ABCA9: variants seen among roughly 807,000 people sequenced by gnomAD.
The protein encoded by ABCA9 is ATP-binding cassette sub-family A member 9.
ABCA9 carries 183 observed loss-of-function variants against 205.3 expected under a neutral mutation model. The observed-to-expected ratio is 0.89, with a 90% CI of 0.79 to 1.01. The LOEUF is 1.01. Ranked by LOEUF, ABCA9 falls within the 50% of genes least tolerant of loss-of-function variation. The pLI is 0.00. For synonymous variants in ABCA9, 651 were observed against 683.3 expected (o/e 0.95, Z 0.74); for missense variants, 1,805 against 1,912.4 (o/e 0.94, Z 1.05).
At chr17:68,994,660 A>G (rs2069559214) in intron 26 of ABCA9, among the ~76,000 whole-genome samples, 2 of 152,244 alleles carry the variant, frequency 1.3e-5, no homozygotes, top group East Asian at 1.9e-4. Context: ...GAAGAGAATC[A>G]TCTCATCTTT....
At chr17:68,994,177 C>T (rs1213055444) in intron 26 of ABCA9, among the ~76,000 whole-genome samples, 1 of 152,072 alleles carries the variant, frequency 6.6e-6, no homozygotes, top group African/African-American at 2.4e-5. Context: ...CACCTGGCCT[C>T]TGCCAGTACA....
In ABCA9 at chr17:69,035,672, A is replaced by T; in HGVS notation, c.930T>A (p.Tyr310Ter). 2 of 1,613,714 alleles carry T rather than the reference A, an allele frequency of 1.2e-6. No individual in the cohort carries two copies. The highest frequency in any genetic ancestry group is 8.5e-7 in the Non-Finnish European group (1 of 1,179,788). The change falls in exon 7 of 39, where the codon TAT becomes TAA. Residue 310 changes from tyrosine (Y) to a stop codon, truncating the protein, a stop_gained. Transcript: ENST00000340001. LOFTEE classifies it high-confidence loss of function. ...FVMVFTLFLL[Y>*]GLSLITLAFL... ...TTAACCAACTCACCAAAGACAGGCC[A>T]TAGAGGAGAAAGAGGGTGAAGACCA...
At chr17:69,026,955 A>T in intron 15 of ABCA9, 21 bp downstream of exon 15, 1 of 1,613,218 alleles carries the variant, frequency 6.2e-7, no homozygotes, top group Non-Finnish European at 8.5e-7. Context: ...ATGAAGATAC[A>T]TAAGAGAAAC....
chr17:68,999,661 C>G (rs1412061879), intron 25 of ABCA9, among the ~76,000 whole-genome samples: 5 of 152,026 alleles, frequency 3.3e-5, no homozygotes, highest in East Asian at 3.9e-4. Context: ...ATGGCTGGGT[C>G]AAATGGTATT....
rs575844046 is a variant in ABCA9 at position 69,043,884 on chromosome 17, G to A, written c.574-169C>T. 1.2e-4 allele frequency among the ~76,000 whole-genome samples: 19 copies of A among 152,148 alleles called. No homozygotes were observed. The South Asian group carries it at 3.7e-3, about 30-fold the overall frequency. On this transcript the variant is annotated intron_variant, in intron 5 of 38. Coordinates refer to ENST00000340001, the MANE Select transcript of ABCA9 (RefSeq NM_080283.4). ...TTCCTGGAACACTTTAGGTTTTGTC[G>A]TGACTCCTTAGAACATCATCAACCT...
At chr17:69,059,896 T>C (rs1432697444) in intron 1 of ABCA9, among the ~76,000 whole-genome samples, 1 of 152,150 alleles carries the variant, frequency 6.6e-6, no homozygotes, top group Non-Finnish European at 1.5e-5. Context: ...CTAATAATCA[T>C]GCCATCGGAG....
rs1249305060 is a variant in ABCA9, at chr17:68,974,967, T to C, written c.*948A>G. 2 of 152,184 alleles carry C rather than the reference T, an allele frequency of 1.3e-5. No homozygotes were observed. The highest frequency in any genetic ancestry group is 2.4e-5 in the African/African-American group (1 of 41,432). The allele number at this position is 152,184 out of a possible 1,614,324, so 9.4% of individuals were successfully genotyped here. On this transcript the variant is annotated 3_prime_UTR_variant, in exon 39 of 39. Coordinates refer to ENST00000340001, the MANE Select transcript of ABCA9 (RefSeq NM_080283.4). The stretch of plus-strand genomic sequence containing the variant: ...TTGCTGCACCCATCAACCCATCATC[T>C]ACATCAGGTATTTCTCCTAATGCTA...
Position 69,043,663 on chromosome 17 carries a change from T to G in ABCA9, c.626A>C (p.His209Pro), listed in dbSNP as rs1434864571. 1.9e-6 allele frequency: 3 copies of G among 1,612,776 alleles called. No individual in the cohort carries two copies. The highest frequency in any genetic ancestry group is 1.7e-5 in the Admixed American group (1 of 59,700). ...GGCAACAAAAGGTAATATCTTCATA[T>G]GTACACCAGTAACTGACATCAGCTG... ...MEQLMSVTGV[H>P]MKILPFVAQG... The change falls in exon 6 of 39, where the codon CAT (histidine) becomes CCT (proline). Residue 209 changes from histidine (H) to proline (P), a missense_variant. Coordinates refer to ENST00000340001, the MANE Select transcript of ABCA9 (RefSeq NM_080283.4).
intron 23 of ABCA9, among the ~76,000 whole-genome samples, chr17:69,008,453 A>G (rs907990293): frequency 6.6e-6 from 1 of 152,236 alleles, no homozygotes; most frequent in Non-Finnish European, 1.5e-5. Flanking sequence ...AAAACGCACC[A>G]ACATAACTAG....
Position 69,042,642 on chromosome 17 carries a change from T to C in ABCA9, c.800+847A>G, listed in dbSNP as rs541519487. ...GTTTGTGTATTTGGGTTCACCCATA[T>C]ATGGTAACTAGTGACCAAGTAATCA... On this transcript the variant is annotated intron_variant, in intron 6 of 38. Coordinates refer to ENST00000340001, the MANE Select transcript of ABCA9 (RefSeq NM_080283.4). The C allele has an allele frequency of 3.3e-5, 5 of 152,374 alleles. No individual in the cohort carries two copies. In the South Asian group the frequency reaches 6.2e-4, roughly 19 times the overall value. The allele number at this position is 152,374 out of a possible 1,614,324, so 9.4% of individuals were successfully genotyped here.
intron 34 of ABCA9, 114 bp downstream of exon 34, chr17:68,984,771 A>T: frequency 7.2e-7 from 1 of 1,379,370 alleles, no homozygotes; most frequent in Non-Finnish European, 9.9e-7. Flanking sequence ...TTTTCCTAAA[A>T]TATTGCTTTT....
the ABCA9 span, among the ~76,000 whole-genome samples, chr17:69,077,558 G>C: frequency 6.6e-6 from 1 of 152,134 alleles, no homozygotes; most frequent in East Asian, 1.9e-4. Flanking sequence ...AAAATTTCTT[G>C]TTAGTTTTCT....
rs777149156 is a variant in ABCA9 at position 68,984,939 on chromosome 17, AC to A, written c.4324del (p.Val1442CysfsTer21). ...CCCGGTCGACGGCTCATCCAGAAGC[AC>A]CACTGACGGGTTCCCCAGGATGCTC... ...VLSILGNPSV[V>X]LLDEPSTGMD... is the part of the protein sequence containing the mutation. On this transcript the variant is annotated frameshift_variant, in exon 34 of 39. Transcript: ENST00000340001. LOFTEE classifies it high-confidence loss of function. 1 of 1,614,074 alleles carries A rather than the reference AC, an allele frequency of 6.2e-7. No homozygotes were observed. Among genetic ancestry groups the A allele is most frequent in the Non-Finnish European group, 8.5e-7 (1 of 1,180,030 alleles).
chr17:69,024,613 T>C (rs1427091013), intron 16 of ABCA9, among the ~76,000 whole-genome samples: 1 of 152,118 alleles, frequency 6.6e-6, no homozygotes, highest in South Asian at 2.1e-4. Context: ...AATGAGATAT[T>C]AAGCCAGATC....
At position 68,986,342 on chromosome 17, in the gene ABCA9, A is replaced by G; in HGVS notation, c.4048-18T>C. 6.3e-7 allele frequency: 1 copy of G among 1,592,640 alleles called. No individual in the cohort carries two copies. Among genetic ancestry groups the G allele is most frequent in the Middle Eastern group, 1.7e-4 (1 of 5,954 alleles). ...AAAATCACCTATGCAAAATAAGTTC[A>G]TTCTTAGATTCTATCCCAAATGTCA... On this transcript the variant is annotated intron_variant, in intron 31 of 38. Coordinates refer to ENST00000340001, the MANE Select transcript of ABCA9 (RefSeq NM_080283.4).
At chr17:68,986,597 G>A (rs2069247123) in intron 31 of ABCA9, 3 of 312,990 alleles carry the variant, frequency 9.6e-6, no homozygotes, top group Non-Finnish European at 1.7e-5. Flanking sequence ...TCTTTTACTT[G>A]GCTTCATTCA....
intron 18 of ABCA9, chr17:69,020,931 G>A (rs1481125717): frequency 5.1e-6 from 1 of 195,956 alleles, no homozygotes; most frequent in East Asian, 1.4e-4. Flanking sequence ...AGGTAGGAGA[G>A]TTAGTATATA....
intron 13 of ABCA9, 92 bp downstream of exon 13, chr17:69,027,548 T>TC: frequency 6.4e-7 from 1 of 1,558,386 alleles, no homozygotes; most frequent in Non-Finnish European, 8.7e-7. Flanking sequence ...TGCCTGAAAT[T>TC]TAGATGAGGA....
At chr17:68,999,368 T>G (rs1414870584) in intron 25 of ABCA9, among the ~76,000 whole-genome samples, 4 of 139,660 alleles carry the variant, frequency 2.9e-5, no homozygotes, top group South Asian at 2.5e-4. Context: ...TGAGTGAGAA[T>G]ATGCGGTGTT....
Sources: gnomAD v4.1 joint callset for allele counts (sites outside exome capture counted in the v4.1 genomes callset) on GRCh38, gnomAD v4.1.1 for gene constraint, MANE v1.5 for transcripts, NCBI Gene and HGNC (gene_info 2026-07-23, HGNC 2026-07-21) for gene names.